Variants in MAPK10 observed in about 807,000 individuals in gnomAD.
MAPK10 encodes JNK3 alpha protein kinase.
Under a neutral mutation model 59.3 loss-of-function variants are expected in MAPK10, and 25 were observed. The observed-to-expected ratio is 0.42, with a 90% CI of 0.31 to 0.59. The LOEUF is 0.59. Ranked by LOEUF, MAPK10 falls within the 20% of genes least tolerant of loss-of-function variation. The pLI, the probability that MAPK10 is intolerant of heterozygous loss-of-function variation, is 0.15. For missense variants in MAPK10, 351 were observed against 568.9 expected (o/e 0.62, Z 3.90); for synonymous variants, 190 against 200.5 (o/e 0.95, Z 0.44).
chr4:86,137,913 G>A (rs1352464837), intron 4 of MAPK10, among the ~76,000 whole-genome samples: 3 of 146,568 alleles, frequency 2.0e-5, no homozygotes, highest in Non-Finnish European at 4.5e-5. Flanking sequence ...ACACCTCTAC[G>A]CAAATAAACT....
At chr4:86,365,559 A>G (rs1217771303) in intron 1 of MAPK10, among the ~76,000 whole-genome samples, 1 of 150,630 alleles carries the variant, frequency 6.6e-6, no homozygotes, top group Non-Finnish European at 1.5e-5. Flanking sequence ...ATCATCTTAT[A>G]CATGGTAGGT....
chr4:86,431,400 G>A (rs1748028591), intron 1 of MAPK10, among the ~76,000 whole-genome samples: 2 of 152,112 alleles, frequency 1.3e-5, no homozygotes, highest in South Asian at 4.1e-4. Flanking sequence ...AACATTGAGG[G>A]TCCAAGTGAA....
At chr4:86,554,793 G>T (rs1046926871) in intron 1 of MAPK10, among the ~76,000 whole-genome samples, 2 of 151,974 alleles carry the variant, frequency 1.3e-5, no homozygotes, top group African/African-American at 4.8e-5. Flanking sequence ...TCCACTAGCT[G>T]CCCTATAAAA....
intron 1 of MAPK10, among the ~76,000 whole-genome samples, chr4:86,355,985 T>C (rs2148972886): frequency 6.6e-6 from 1 of 152,172 alleles, no homozygotes. Context: ...TGAAGACAAG[T>C]CACTAAGATG....
At chr4:86,316,277 A>C (rs1564301473) in intron 2 of MAPK10, among the ~76,000 whole-genome samples, 1 of 152,198 alleles carries the variant, frequency 6.6e-6, no homozygotes, top group Non-Finnish European at 1.5e-5. Flanking sequence ...ATCTGAAAAA[A>C]TTTTGCAACG....
chr4:86,560,634 T>G (rs563779578), intron 1 of MAPK10, among the ~76,000 whole-genome samples: 1 of 152,350 alleles, frequency 6.6e-6, no homozygotes, highest in South Asian at 2.1e-4. Flanking sequence ...ACAGCTAATC[T>G]AAAGTAGTTA....
chr4:86,157,040 C>T (rs116313299), intron 4 of MAPK10, among the ~76,000 whole-genome samples: 1,779 of 152,094 alleles, frequency 0.012, 33 homozygotes, highest in African/African-American at 0.04. Flanking sequence ...TCATGCTCAA[C>T]ATTGACATTT....
chr4:86,070,637 C>T (rs369451408), intron 9 of MAPK10, among the ~76,000 whole-genome samples: 10,088 of 148,160 alleles, frequency 0.068, 415 homozygotes, highest in Middle Eastern at 0.12. Context: ...TGAGAATATG[C>T]GGTGTTTGGT....
chr4:86,191,553 C>CTTTT (rs35357476), intron 3 of MAPK10: 1 of 30,414 alleles, frequency 3.3e-5, no homozygotes, highest in Admixed American at 5.7e-4. Flanking sequence ...ACAACCCGTG[C>CTTTT]TTTTTTTTTT....
At chr4:86,592,974 G>A (rs1763182505) in intron 1 of MAPK10, among the ~76,000 whole-genome samples, 2 of 152,214 alleles carry the variant, frequency 1.3e-5, no homozygotes, top group African/African-American at 4.8e-5. Flanking sequence ...CTTGGGAGCG[G>A]GGACTTAGCT....
At chr4:86,105,049 T>C (rs538903842) in intron 5 of MAPK10, among the ~76,000 whole-genome samples, 7 of 152,104 alleles carry the variant, frequency 4.6e-5, no homozygotes, top group Non-Finnish European at 8.8e-5. Context: ...GCCCCACTAG[T>C]TCCTGGAATT....
chr4:86,178,974 G>A (rs2076289995), intron 3 of MAPK10, among the ~76,000 whole-genome samples: 1 of 152,052 alleles, frequency 6.6e-6, no homozygotes, highest in East Asian at 1.9e-4. Context: ...AGGCCAAGGT[G>A]GGCACATCAC....
At chr4:86,511,919 AAG>A (rs1756304349) in intron 1 of MAPK10, among the ~76,000 whole-genome samples, 1 of 151,780 alleles carries the variant, frequency 6.6e-6, no homozygotes, top group South Asian at 2.1e-4. Flanking sequence ...AGGAAGGAAA[AAG>A]AAGAAGAATT....
chr4:86,245,520 G>A (rs974943394), intron 2 of MAPK10, among the ~76,000 whole-genome samples: 3 of 151,916 alleles, frequency 2.0e-5, no homozygotes, highest in Non-Finnish European at 2.9e-5. Flanking sequence ...TTTTAATAGA[G>A]ATAAGTTCTC....
chr4:86,518,650 G>A (rs926781219), intron 1 of MAPK10, among the ~76,000 whole-genome samples: 7 of 133,500 alleles, frequency 5.2e-5, no homozygotes, highest in African/African-American at 1.4e-4. Flanking sequence ...TTTTTCTTCT[G>A]CTGGGCTTGG....
At chr4:86,411,862 G>T (rs1217902094) in intron 1 of MAPK10, among the ~76,000 whole-genome samples, 1 of 152,106 alleles carries the variant, frequency 6.6e-6, no homozygotes, top group Non-Finnish European at 1.5e-5. Context: ...CAGTTTGCCA[G>T]TCTGTGTCTT....
At chr4:86,082,368 T>C (rs2050841355) in intron 9 of MAPK10, 1 of 152,226 alleles carries the variant, frequency 6.6e-6, no homozygotes, top group South Asian at 2.1e-4. Context: ...TATTTTATAA[T>C]TTCTTAAGTA....
intron 2 of MAPK10, among the ~76,000 whole-genome samples, chr4:86,255,489 G>C (rs1330470112): frequency 6.6e-6 from 1 of 152,156 alleles, no homozygotes; most frequent in Admixed American, 6.5e-5. Flanking sequence ...CATATATGCT[G>C]TCCTGATAGT....
intron 1 of MAPK10, among the ~76,000 whole-genome samples, chr4:86,431,509 T>C (rs924689229): frequency 2.6e-5 from 4 of 152,230 alleles, no homozygotes; most frequent in African/African-American, 9.6e-5. Context: ...TATTCTCCCA[T>C]AAAATACATA....
Sources: allele counts gnomAD v4.1 joint callset (sites outside exome capture counted in the v4.1 genomes callset), GRCh38; gene constraint gnomAD v4.1.1; transcripts MANE v1.5; gene names NCBI Gene and HGNC (gene_info 2026-07-23, HGNC 2026-07-21).